The following FAM133B variants were observed in gnomAD, a reference collection of about 807,000 sequenced individuals.
FAM133B encodes family with sequence similarity 133 member B.
Under a neutral mutation model 46.4 loss-of-function variants are expected in FAM133B, and 25 were observed. The observed-to-expected ratio is 0.54, with a 90% CI of 0.39 to 0.75. FAM133B has a LOEUF of 0.75. Ranked by LOEUF, FAM133B falls within the 30% of genes least tolerant of loss-of-function variation. The pLI, the probability that FAM133B is intolerant of heterozygous loss-of-function variation, is 0.00. For missense variants in FAM133B, 205 were observed against 277.6 expected (o/e 0.74, Z 1.86); for synonymous variants, 75 against 86.0 (o/e 0.87, Z 0.71).
chr7:92,562,469 A>G, intron 10 of FAM133B, 101 bp from the exon 11 acceptor site: 1 of 1,426,982 alleles, frequency 7.0e-7, no homozygotes, highest in Non-Finnish European at 9.2e-7. Flanking sequence ...CAAACAATCC[A>G]CACAACCAAG....
chr7:92,565,029 A>C (rs1794296352), intron 10 of FAM133B, among the ~76,000 whole-genome samples: 1 of 152,124 alleles, frequency 6.6e-6, no homozygotes, highest in African/African-American at 2.4e-5. Context: ...TTCTGTTATT[A>C]CCAGATTTGG....
chr7:92,586,747 T>C (rs1056317875), intron 1 of FAM133B, among the ~76,000 whole-genome samples: 1 of 152,234 alleles, frequency 6.6e-6, no homozygotes, highest in Admixed American at 6.5e-5. Flanking sequence ...AGACACAATG[T>C]GCAGAATTTC....
intron 8 of FAM133B, among the ~76,000 whole-genome samples, chr7:92,573,265 T>G (rs575242709): frequency 6.6e-6 from 1 of 151,566 alleles, no homozygotes; most frequent in East Asian, 1.9e-4. Flanking sequence ...ATTTCTGGGC[T>G]TAAGTGATCC....
At chr7:92,569,782 G>T in intron 9 of FAM133B, 41 bp downstream of exon 9, 1 of 955,254 alleles carries the variant, frequency 1.0e-6, no homozygotes. Context: ...CAATAACTAA[G>T]CATTTTAAAA....
chr7:92,583,318 G>A (rs1461745186), intron 1 of FAM133B, among the ~76,000 whole-genome samples: 1 of 152,176 alleles, frequency 6.6e-6, no homozygotes, highest in African/African-American at 2.4e-5. Context: ...GGGAGAAGAG[G>A]AATTTGGGAG....
At position 92,575,696 on chromosome 7, in the gene FAM133B, T is replaced by C. The variant is rs576605016; in HGVS notation, c.516+75A>G. On this transcript the variant is annotated intron_variant, in intron 8 of 10. Coordinates refer to ENST00000445716, the MANE Select transcript of FAM133B (RefSeq NM_152789.4). ...AATAAATATATCTCTTAAAAAGAGA[T>C]ACACATTATTGTTATTTAAGTCAAT... 7 of 695,648 alleles carry C rather than the reference T, an allele frequency of 1.0e-5. No homozygotes were observed. In the South Asian group the frequency reaches 1.5e-4, roughly 15 times the overall value. The allele number at this position is 695,648 out of a possible 1,614,324, so 43.1% of individuals were successfully genotyped here. A position where few individuals can be genotyped will look rare whatever the true frequency, so the allele number is the denominator to read the frequency against.
chr7:92,590,071 A>C (rs1240391058), intron 1 of FAM133B, 197 bp downstream of exon 1: 1 of 672,506 alleles, frequency 1.5e-6, no homozygotes, highest in South Asian at 1.9e-5. Context: ...GGCGGGCAAG[A>C]GAGAGCTGGG....
intron 2 of FAM133B, 57 bp downstream of exon 2, chr7:92,581,449 A>C: frequency 2.1e-6 from 3 of 1,406,478 alleles, no homozygotes; most frequent in Non-Finnish European, 3.0e-6. Context: ...AAGTCTTAAG[A>C]ATAAACTTTA....
intron 10 of FAM133B, 137 bp downstream of exon 10, chr7:92,565,877 G>A: frequency 1.2e-6 from 1 of 825,156 alleles, no homozygotes; most frequent in Non-Finnish European, 1.9e-6. Context: ...ATTAAGTGAA[G>A]CTGCTGAACA....
chr7:92,590,241 C>G lies in FAM133B; in HGVS notation c.24+27G>C, dbSNP rs375625716. Reference sequence around the variant, plus strand: ...TCCTGCCGCCGGGCCCTGCGTCGCCCCACTGTTTTCCCGGCTGAGTACTCA... The same window carrying G: ...TCCTGCCGCCGGGCCCTGCGTCGCCGCACTGTTTTCCCGGCTGAGTACTCA... On this transcript the variant is annotated intron_variant, in intron 1 of 10. Transcript: ENST00000445716. 1.2e-4 allele frequency: 199 copies of G among 1,613,600 alleles called. No homozygotes were observed. The African/African-American group carries it at 2.0e-3, about 16-fold the overall frequency.
At chr7:92,582,251 TA>T (rs1794901788) in intron 1 of FAM133B, among the ~76,000 whole-genome samples, 1 of 119,804 alleles carries the variant, frequency 8.3e-6, no homozygotes, top group Admixed American at 8.6e-5. Flanking sequence ...CCTCTCAAAA[TA>T]AAATAAATAA....
chr7:92,570,614 G>C (rs1276528923), intron 8 of FAM133B, among the ~76,000 whole-genome samples: 1 of 151,996 alleles, frequency 6.6e-6, no homozygotes, highest in African/African-American at 2.4e-5. Flanking sequence ...ATCTGAAGTA[G>C]TTCATAACAA....
In FAM133B at chr7:92,590,119, A is replaced by C. The variant is rs1420705530; in HGVS notation, c.24+149T>G. 3 of 1,165,142 alleles carry C rather than the reference A, an allele frequency of 2.6e-6. No individual in the cohort carries two copies. The African/African-American group carries it at 4.7e-5, about 18-fold the overall frequency. 72.2% of individuals were successfully genotyped at this position (1,165,142 alleles called of 1,614,324 possible). A position where few individuals can be genotyped will look rare whatever the true frequency, so the allele number is the denominator to read the frequency against. On this transcript the variant is annotated intron_variant, in intron 1 of 10. Transcript: ENST00000445716. ...CCAACTGCGTGCGCGGCGCACGCGC[A>C]TCTGGGATCGGCGGAGGGTGCTGGG... is the stretch of plus-strand genomic sequence containing the variant.
At chr7:92,577,402 A>G (rs1794734775) in intron 6 of FAM133B, 1 of 442,790 alleles carries the variant, frequency 2.3e-6, no homozygotes, top group Non-Finnish European at 3.9e-6. Flanking sequence ...GTCAAATAGC[A>G]TTTGATTTTT....
chr7:92,563,346 T>C (rs1439135122), intron 10 of FAM133B, among the ~76,000 whole-genome samples: 2 of 152,176 alleles, frequency 1.3e-5, no homozygotes, highest in African/African-American at 4.8e-5. Context: ...ATCTTGTAAT[T>C]TGGGCTTTTA....
intron 2 of FAM133B, among the ~76,000 whole-genome samples, chr7:92,581,251 T>C (rs1794860133): frequency 6.6e-6 from 1 of 152,256 alleles, no homozygotes; most frequent in Admixed American, 6.5e-5. Flanking sequence ...GGGTCTTTTA[T>C]GGAATAGAGA....
intron 1 of FAM133B, among the ~76,000 whole-genome samples, chr7:92,588,726 T>A (rs996072371): frequency 6.6e-6 from 1 of 152,168 alleles, no homozygotes; most frequent in Non-Finnish European, 1.5e-5. Flanking sequence ...GGAGTTCTCA[T>A]GAATGGCTTA....
intron 9 of FAM133B, among the ~76,000 whole-genome samples, chr7:92,567,164 C>G (rs1794375272): frequency 6.6e-6 from 1 of 152,166 alleles, no homozygotes; most frequent in South Asian, 2.1e-4. Flanking sequence ...CTGCAGTGAT[C>G]TATGACTGCA....
intron 6 of FAM133B, 92 bp from the exon 7 acceptor site, chr7:92,577,287 T>C (rs1794731503): frequency 1.2e-6 from 1 of 815,530 alleles, no homozygotes; most frequent in Admixed American, 3.7e-5. Flanking sequence ...GTGAACAAAA[T>C]TTCACAAAAG....
Sources: allele counts gnomAD v4.1 joint callset (sites outside exome capture counted in the v4.1 genomes callset), GRCh38; gene constraint gnomAD v4.1.1; transcripts MANE v1.5; gene names NCBI Gene and HGNC (gene_info 2026-07-23, HGNC 2026-07-21).